Variants in CDKL3 observed in about 807,000 individuals in gnomAD.
The protein encoded by CDKL3 is cyclin dependent kinase like 3.
CDKL3 carries 65 observed loss-of-function variants against 69.3 expected under a neutral mutation model. The ratio of observed to expected loss-of-function variants is 0.94; its 90% CI spans 0.77 to 1.15. The LOEUF (loss-of-function observed/expected upper bound fraction) is 1.15. Ranked by LOEUF, CDKL3 falls within the 50% of genes most tolerant of loss-of-function variation. CDKL3 has a pLI of 0.00. For synonymous variants in CDKL3, 202 were observed against 221.6 expected (o/e 0.91, Z 0.79); for missense variants, 652 against 689.2 (o/e 0.95, Z 0.61).
chr5:134,285,458 C>G (rs1471441136), downstream of CDKL3, among the ~76,000 whole-genome samples: 2 of 152,238 alleles, frequency 1.3e-5, no homozygotes, highest in African/African-American at 2.4e-5. Context: ...AGGCCAAGCT[C>G]TACATTGGCC....
intron 7 of CDKL3, among the ~76,000 whole-genome samples, 196 bp from the exon 8 acceptor site, chr5:134,308,923 A>C (rs1165783738): frequency 6.6e-6 from 1 of 152,240 alleles, no homozygotes; most frequent in Non-Finnish European, 1.5e-5. Context: ...TCTTTCGAAA[A>C]TTATGCTATG....
chr5:134,299,385 C>T, intron 12 of CDKL3: 1 of 572,632 alleles, frequency 1.7e-6, no homozygotes, highest in Non-Finnish European at 2.4e-6. Flanking sequence ...AGAATGACCA[C>T]TCATCAAGTA....
rs200820463 is a variant in CDKL3 at position 134,359,901 on chromosome 5, T to C, written c.356A>G (p.Asn119Ser). The C allele has an allele frequency of 8.8e-5, 138 of 1,576,446 alleles. No homozygotes were observed. Among genetic ancestry groups the C allele is most frequent in the Non-Finnish European group, 1.2e-4 (134 of 1,160,488 alleles). ...GGCTTATTCTGAAGCACTTACATTA[T>C]TACTGTGAAGATAGTCAATTGCTCG... ...ILRAIDYLHS[N>S]NIIHRDIKPE... is the part of the protein sequence containing the mutation. Residue 119 changes from asparagine (N) to serine (S), a missense_variant, in exon 3 of 13, where the codon AAT (asparagine) becomes AGT (serine). Asn to Ser is a conservative substitution (Grantham distance 46). Coordinates refer to ENST00000265334, the MANE Select transcript of CDKL3 (RefSeq NM_001113575.2).
chr5:134,354,134 A>C (rs1357914557), intron 3 of CDKL3, among the ~76,000 whole-genome samples: 1 of 152,134 alleles, frequency 6.6e-6, no homozygotes, highest in Non-Finnish European at 1.5e-5. Context: ...GTTCACATCA[A>C]TCTGCACTTC....
intron 4 of CDKL3, among the ~76,000 whole-genome samples, chr5:134,334,000 T>A (rs375774967): frequency 3.9e-5 from 6 of 152,224 alleles, no homozygotes; most frequent in African/African-American, 1.4e-4. Flanking sequence ...CTGTTATTGG[T>A]CTATTCAGAG....
At position 134,357,301 on chromosome 5, in the gene CDKL3, G is replaced by A. The variant is rs1018559907; in HGVS notation, c.360+2596C>T. ...TCTACTAAAAATACAAAAATTAGCCGGGCATGATGGCACGCACCTGTAAAC... is the reference window on the plus strand; with the variant it reads ...TCTACTAAAAATACAAAAATTAGCCAGGCATGATGGCACGCACCTGTAAAC... On this transcript the variant is annotated intron_variant, in intron 3 of 12. Transcript: ENST00000265334. 7.2e-5 allele frequency among the ~76,000 whole-genome samples: 11 copies of A among 152,128 alleles called. 1 individual carries two copies. Among genetic ancestry groups the A allele is most frequent in the Admixed American group, 3.3e-4 (5 of 15,262 alleles).
At chr5:134,286,498 C>G (rs1178581281) in exon 9 of CDKL3, 2 of 187,068 alleles carry the variant, frequency 1.1e-5, no homozygotes, top group Admixed American at 5.9e-5. Flanking sequence ...TCAGCAATGC[C>G]CCACTCTACT....
At chr5:134,309,003 T>C (rs369925643) in intron 7 of CDKL3, among the ~76,000 whole-genome samples, 2 of 152,234 alleles carry the variant, frequency 1.3e-5, no homozygotes, top group East Asian at 3.8e-4. Flanking sequence ...ATGCAAACTT[T>C]ACTCAGAAAA....
upstream of CDKL3, chr5:134,367,389 T>C: frequency 1.0e-6 from 1 of 973,892 alleles, no homozygotes; most frequent in South Asian, 4.8e-5. Context: ...TTTTTTTTTT[T>C]TTTGAGATAG....
rs182207397 is a variant in CDKL3, at chr5:134,306,547, A to G, written c.1458+62T>C. 7 of 984,526 alleles carry G rather than the reference A, an allele frequency of 7.1e-6. No individual in the cohort carries two copies. In the East Asian group the frequency reaches 1.5e-4, roughly 21 times the overall value. The allele number at this position is 984,526 out of a possible 1,614,324, so 61.0% of individuals were successfully genotyped here. ...AAGTATTAGAGCCCTAAAGATAGAG[A>G]AAAGGAAAAAAGAAGTAATGTTAAA... is the stretch of plus-strand genomic sequence containing the variant. On this transcript the variant is annotated intron_variant, in intron 10 of 12. Coordinates refer to ENST00000265334, the MANE Select transcript of CDKL3 (RefSeq NM_001113575.2).
chr5:134,329,630 C>T (rs978914847), intron 4 of CDKL3, among the ~76,000 whole-genome samples: 94 of 151,454 alleles, frequency 6.2e-4, no homozygotes, highest in Non-Finnish European at 1.1e-3. Flanking sequence ...CCACTACGCC[C>T]GGCTAATTTT....
At chr5:134,367,768 C>A (rs1429207048), upstream of CDKL3, among the ~76,000 whole-genome samples, 3 of 152,132 alleles carry the variant, frequency 2.0e-5, no homozygotes, top group Non-Finnish European at 4.4e-5. Flanking sequence ...AGAAAAAAAA[C>A]CTCCCTCACC....
At position 134,308,324 on chromosome 5, in the gene CDKL3, G is replaced by C; in HGVS notation, c.1178C>G (p.Pro393Arg). ...GQQDANENVH[P>R]MSPDTKLVTI... ...TACAAGTTTTGTATCTGGAGACATA[G>C]GATGAACATTTTCATTTGCATCCTG... The change falls in exon 9 of 13, where the codon CCT becomes CGT. Residue 393 changes from proline (P) to arginine (R), a missense_variant. Transcript: ENST00000265334. 1.9e-6 allele frequency: 3 copies of C among 1,613,910 alleles called. No individual in the cohort carries two copies. Among genetic ancestry groups the C allele is most frequent in the Non-Finnish European group, 2.5e-6 (3 of 1,179,858 alleles).
intron 6 of CDKL3, among the ~76,000 whole-genome samples, chr5:134,318,049 G>A (rs142940986): frequency 1.4e-3 from 211 of 151,982 alleles, no homozygotes; most frequent in African/African-American, 4.9e-3. Flanking sequence ...GAGAAACCTC[G>A]TCTCTACTAA....
In CDKL3 at chr5:134,308,695, T is replaced by C. The variant is rs1250696128; in HGVS notation, c.914A>G (p.Gln305Arg). The C allele has an allele frequency of 6.2e-7, 1 of 1,600,490 alleles. No homozygotes were observed. Among genetic ancestry groups the C allele is most frequent in the Non-Finnish European group, 8.5e-7 (1 of 1,176,774 alleles). Residue 305 changes from glutamine (Q) to arginine (R), a missense_variant, in exon 8 of 13, where the codon CAG (glutamine) becomes CGG (arginine). Gln to Arg is a conservative substitution (Grantham distance 43, BLOSUM62 1). Coordinates refer to ENST00000265334, the MANE Select transcript of CDKL3 (RefSeq NM_001113575.2). ...TATTAATGAATTGACTTTTGCTTCC[T>C]GCAGTAATTTAGCTTTCAGTTCTGG... Reference protein sequence around the residue: ...FMPELKAKLLQEAKVNSLIKP... With the variant: ...FMPELKAKLLREAKVNSLIKP...
At chr5:134,349,143 G>A (rs1752641021) in intron 4 of CDKL3, among the ~76,000 whole-genome samples, 1 of 152,138 alleles carries the variant, frequency 6.6e-6, no homozygotes, top group Admixed American at 6.6e-5. Flanking sequence ...TTGTTGTAAG[G>A]ATTAAATTAT....
At chr5:134,287,369 AAG>A (rs1369547263) in intron 8 of CDKL3, among the ~76,000 whole-genome samples, 8 of 152,302 alleles carry the variant, frequency 5.3e-5, no homozygotes, top group Admixed American at 5.2e-4. Flanking sequence ...TGTTAAACAC[AAG>A]AGAGTGTTCC....
intron 3 of CDKL3, among the ~76,000 whole-genome samples, chr5:134,356,484 C>A (rs973701667): frequency 6.6e-6 from 1 of 152,144 alleles, no homozygotes; most frequent in African/African-American, 2.4e-5. Context: ...TATTTGGTTA[C>A]TATTTAAAAA....
At chr5:134,325,799 T>C (rs752009245) in intron 4 of CDKL3, among the ~76,000 whole-genome samples, 2 of 152,002 alleles carry the variant, frequency 1.3e-5, no homozygotes, top group African/African-American at 2.4e-5. Context: ...AGTCTCGCTC[T>C]GTCGCCCAGG....
Sources: allele counts gnomAD v4.1 joint callset (sites outside exome capture counted in the v4.1 genomes callset), GRCh38; gene constraint gnomAD v4.1.1; transcripts MANE v1.5; gene names NCBI Gene and HGNC (gene_info 2026-07-23, HGNC 2026-07-21).